ARHGAP19: variants seen among roughly 807,000 people sequenced by gnomAD.
ARHGAP19 encodes the protein rho GTPase-activating protein 19.
Under a neutral mutation model 60.9 loss-of-function variants are expected in ARHGAP19, and 48 were observed. The ratio of observed to expected loss-of-function variants is 0.79; its 90% confidence interval spans 0.62 to 1.00. ARHGAP19 has a LOEUF of 1.00. Among genes scored for constraint, ARHGAP19 ranks in the 50% least tolerant of loss-of-function variants. The pLI is 0.00. For synonymous variants in ARHGAP19, 209 were observed against 215.5 expected (o/e 0.97, Z 0.27); for missense variants, 562 against 597.2 (o/e 0.94, Z 0.61).
At chr10:97,267,933 C>T (rs1404140267) in intron 1 of ARHGAP19, among the ~76,000 whole-genome samples, 1 of 152,254 alleles carries the variant, frequency 6.6e-6, no homozygotes, top group Non-Finnish European at 1.5e-5. Context: ...GTCCTGGAGA[C>T]ATTTTCCCCA....
intron 1 of ARHGAP19, among the ~76,000 whole-genome samples, chr10:97,278,766 T>C (rs1843049265): frequency 6.6e-6 from 1 of 151,836 alleles, no homozygotes; most frequent in African/African-American, 2.4e-5. Flanking sequence ...ATGCAAGTGC[T>C]TCTGAGGCAT....
At chr10:97,248,634 A>G (rs370331774) in intron 6 of ARHGAP19, among the ~76,000 whole-genome samples, 31 of 152,258 alleles carry the variant, frequency 2.0e-4, no homozygotes, top group Middle Eastern at 6.8e-3. Context: ...AGTATCACTC[A>G]GAAGCCAAGG....
Position 97,225,637 on chromosome 10 carries a change from T to C in ARHGAP19, c.*485A>G, listed in dbSNP as rs1850882032. 6.6e-6 allele frequency: 1 copy of C among 152,644 alleles called. No individual in the cohort carries two copies. Among genetic ancestry groups the C allele is most frequent in the South Asian group, 2.1e-4 (1 of 4,858 alleles). The allele number at this position is 152,644 out of a possible 1,614,324, so 9.5% of individuals were successfully genotyped here. ...CTAGCTTAGAGCCCAACCAAAAACA[T>C]GGCTTTTAAAACAAAGAAATAAACA... On this transcript the variant is annotated 3_prime_UTR_variant, in exon 12 of 12. Coordinates refer to ENST00000358531, the MANE Select transcript of ARHGAP19 (RefSeq NM_032900.6).
intron 3 of ARHGAP19, among the ~76,000 whole-genome samples, chr10:97,264,606 A>G (rs1415291851): frequency 1.3e-5 from 2 of 152,204 alleles, no homozygotes; most frequent in African/African-American, 4.8e-5. Context: ...GACTTCATAG[A>G]CACGGTCTAA....
chr10:97,254,761 G>A (rs1236337760), intron 6 of ARHGAP19, among the ~76,000 whole-genome samples: 1 of 152,034 alleles, frequency 6.6e-6, no homozygotes, highest in Non-Finnish European at 1.5e-5. Flanking sequence ...CCACAGAATA[G>A]GAGAAAATAT....
At chr10:97,231,059 C>CAAAAAAAAAAAAAAAAAAAAAAAAA (rs869291841) in intron 9 of ARHGAP19, among the ~76,000 whole-genome samples, 5 of 59,752 alleles carry the variant, frequency 8.4e-5, no homozygotes, top group African/African-American at 2.1e-4. Flanking sequence ...CTTGTCTCAC[C>CAAAAAAAAAAAAAAAAAAAAAAAAA]AAAAAAAAAA....
At chr10:97,230,793 C>T (rs1473173639) in intron 9 of ARHGAP19, among the ~76,000 whole-genome samples, 1 of 152,068 alleles carries the variant, frequency 6.6e-6, no homozygotes, top group Non-Finnish European at 1.5e-5. Context: ...AGGCCGGGAG[C>T]GGTGGCTCAC....
At chr10:97,243,264 T>A (rs992836588) in intron 8 of ARHGAP19, among the ~76,000 whole-genome samples, 1 of 152,156 alleles carries the variant, frequency 6.6e-6, no homozygotes. Flanking sequence ...CCCAAGGAAG[T>A]CCCAGTTGAA....
intron 1 of ARHGAP19, among the ~76,000 whole-genome samples, chr10:97,290,510 T>C (rs1843217333): frequency 1.3e-5 from 2 of 152,108 alleles, no homozygotes; most frequent in South Asian, 4.1e-4. Flanking sequence ...ATTCCATTCC[T>C]TGGAATCGGT....
At chr10:97,252,361 G>A (rs549934676) in intron 6 of ARHGAP19, among the ~76,000 whole-genome samples, 3 of 150,828 alleles carry the variant, frequency 2.0e-5, no homozygotes, top group East Asian at 3.9e-4. Context: ...GGTGGCTCAC[G>A]CCTGTAATCC....
At chr10:97,288,547 C>T (rs1217594673) in intron 1 of ARHGAP19, among the ~76,000 whole-genome samples, 1 of 149,578 alleles carries the variant, frequency 6.7e-6, no homozygotes, top group Non-Finnish European at 1.5e-5. Flanking sequence ...TGCCACTACA[C>T]TCCAGCCTGG....
chr10:97,280,415 A>T (rs1843068821), intron 1 of ARHGAP19, among the ~76,000 whole-genome samples: 1 of 151,980 alleles, frequency 6.6e-6, no homozygotes, highest in Non-Finnish European at 1.5e-5. Context: ...TCTCAAAAAT[A>T]ATAATAATAA....
At chr10:97,226,223 AAT>A (rs1191094193) in intron 11 of ARHGAP19, 91 bp from the exon 12 acceptor site, 1 of 1,322,150 alleles carries the variant, frequency 7.6e-7, no homozygotes, top group African/African-American at 1.5e-5. Flanking sequence ...GTCTACACTT[AAT>A]ATTTTCTCCA....
At chr10:97,273,509 GAC>G (rs1391926912) in intron 1 of ARHGAP19, among the ~76,000 whole-genome samples, 3 of 86,766 alleles carry the variant, frequency 3.5e-5, no homozygotes, top group Non-Finnish European at 6.6e-5. Flanking sequence ...TTTTTTTTGA[GAC>G]AGAGACTCTC....
chr10:97,271,926 T>G (rs1842963636), intron 1 of ARHGAP19, among the ~76,000 whole-genome samples: 1 of 151,920 alleles, frequency 6.6e-6, no homozygotes, highest in Non-Finnish European at 1.5e-5. Context: ...GATTTTCTAT[T>G]GTTAAACCAA....
chr10:97,291,053 CCAAT>C (rs1200283639), intron 1 of ARHGAP19, among the ~76,000 whole-genome samples: 2 of 152,086 alleles, frequency 1.3e-5, no homozygotes, highest in African/African-American at 4.8e-5. Context: ...TCACACCCAA[CCAAT>C]CAGAGAGCTC....
chr10:97,259,821 A>T (rs553215045), intron 4 of ARHGAP19, among the ~76,000 whole-genome samples, 193 bp from the exon 5 acceptor site: 4 of 52,484 alleles, frequency 7.6e-5, no homozygotes, highest in Admixed American at 2.2e-4. Flanking sequence ...TAAAAAGATT[A>T]AAAAACCTGT....
At position 97,226,143 on chromosome 10, in the gene ARHGAP19, G is replaced by A. The variant is rs1296950915; in HGVS notation, c.1475-11C>T. The A allele has an allele frequency of 1.2e-6, 2 of 1,613,448 alleles. No homozygotes were observed. Among genetic ancestry groups the A allele is most frequent in the Non-Finnish European group, 8.5e-7 (1 of 1,179,672 alleles). ...TCCTTCAGAGAAATCCTAGGTTGAA[G>A]GAAAAACAAGAGCGTTAGACATGTT... On this transcript the variant is annotated splice_polypyrimidine_tract_variant and intron_variant, in intron 11 of 11. Transcript: ENST00000358531.
chr10:97,266,007 C>T lies in ARHGAP19; in HGVS notation c.175G>A (p.Glu59Lys), dbSNP rs1300569074. The change falls in exon 2 of 12, where the codon GAG (glutamate) becomes AAG (lysine). Residue 59 changes from glutamate (E) to lysine (K), a missense_variant. Glu to Lys is a moderately conservative substitution (Grantham distance 56). Coordinates refer to ENST00000358531, the MANE Select transcript of ARHGAP19 (RefSeq NM_032900.6). ...CTTGTGATATTGCTGACCACCAACTCAGTGAAAATCTCAGGTTTCTCATGT... is the reference window on the plus strand; with the variant it reads ...CTTGTGATATTGCTGACCACCAACTTAGTGAAAATCTCAGGTTTCTCATGT... ...LRHEKPEIFT[E>K]LVVSNITRLI... 10 of 1,614,074 alleles carry T rather than the reference C, an allele frequency of 6.2e-6. No homozygotes were observed. The highest frequency in any genetic ancestry group is 1.6e-4 in the Middle Eastern group (1 of 6,084).
Sources: gnomAD v4.1 joint callset for allele counts (sites outside exome capture counted in the v4.1 genomes callset) on GRCh38, gnomAD v4.1.1 for gene constraint, MANE v1.5 for transcripts, NCBI Gene and HGNC (gene_info 2026-07-23, HGNC 2026-07-21) for gene names.